TSPEAR: variants seen among roughly 807,000 people sequenced by gnomAD.
TSPEAR encodes the protein thrombospondin-type laminin G domain and EAR repeat-containing protein.
Under a neutral mutation model 71.6 loss-of-function variants are expected in TSPEAR, and 69 were observed. The observed-to-expected ratio is 0.96, with a 90% CI of 0.79 to 1.18. The LOEUF (loss-of-function observed/expected upper bound fraction) is 1.18. Among genes scored for constraint, TSPEAR ranks in the 50% most tolerant of loss-of-function variants. The pLI is 0.00. For synonymous variants in TSPEAR, 402 were observed against 387.2 expected (o/e 1.04, Z -0.45); for missense variants, 971 against 894.9 (o/e 1.09, Z -1.09).
At chr21:44,574,748 T>C (rs1555923560) in intron 1 of TSPEAR, 1 of 1,612,878 alleles carries the variant, frequency 6.2e-7, no homozygotes, top group South Asian at 1.1e-5. Context: ...GCTGTGTGCC[T>C]GTTTGCTCTG....
chr21:44,503,327 G>C, intron 11 of TSPEAR, among the ~76,000 whole-genome samples: 1 of 146,740 alleles, frequency 6.8e-6, no homozygotes, highest in South Asian at 2.2e-4. Context: ...GGCCGGCCTT[G>C]GTGAGCCCTC....
At chr21:44,505,895 G>C (rs1555911862) in intron 10 of TSPEAR, among the ~76,000 whole-genome samples, 3 of 152,136 alleles carry the variant, frequency 2.0e-5, no homozygotes, top group African/African-American at 7.2e-5. Flanking sequence ...ACTTTTAAGA[G>C]GTTGAAACAA....
chr21:44,616,271 C>T (rs73907067), intron 1 of TSPEAR, among the ~76,000 whole-genome samples: 3,927 of 152,258 alleles, frequency 0.026, 159 homozygotes, highest in African/African-American at 0.086. Flanking sequence ...GGGAGGTGGA[C>T]GCTCTCACGG....
intron 1 of TSPEAR, among the ~76,000 whole-genome samples, chr21:44,683,439 G>A (rs555013529): frequency 6.6e-6 from 1 of 152,274 alleles, no homozygotes; most frequent in Non-Finnish European, 1.5e-5. Context: ...ACCAAGATGG[G>A]AAGATTGCTT....
At position 44,499,630 on chromosome 21, in the gene TSPEAR, C is replaced by A; in HGVS notation, c.*153G>T. 1.4e-6 allele frequency: 1 copy of A among 733,392 alleles called. No homozygotes were observed. Among genetic ancestry groups the A allele is most frequent in the Non-Finnish European group, 2.1e-6 (1 of 476,742 alleles). The allele number at this position is 733,392 out of a possible 1,614,324, so 45.4% of individuals were successfully genotyped here. A position where few individuals can be genotyped will look rare whatever the true frequency, so the allele number is the denominator to read the frequency against. ...AGGTGGATGGATGTCCCTGCCCGAA[C>A]CAGGGCCGCAGATGGCCCCACCTGC... On this transcript the variant is annotated 3_prime_UTR_variant, in exon 12 of 12. Coordinates refer to ENST00000323084, the MANE Select transcript of TSPEAR (RefSeq NM_144991.3).
chr21:44,642,183 G>GAAAAA lies in TSPEAR; in HGVS notation c.82+69249_82+69250insTTTTT. Among the ~76,000 whole-genome samples, 1 of 152,210 alleles carries GAAAAA rather than the reference G, an allele frequency of 6.6e-6. No homozygotes were observed. Among genetic ancestry groups the GAAAAA allele is most frequent in the East Asian group, 1.9e-4 (1 of 5,186 alleles). On this transcript the variant is annotated intron_variant, in intron 1 of 11. Coordinates refer to ENST00000323084, the MANE Select transcript of TSPEAR (RefSeq NM_144991.3). The surrounding 1 kb of genome is among the most constrained non-coding windows in gnomAD (Gnocchi z 4.1). ...CTAAAAAATATAAATTACCTACCCT[G>GAAAAA]AGTAACAAGACAAAAATTTTAATAC...
intron 2 of TSPEAR, among the ~76,000 whole-genome samples, chr21:44,562,657 A>C (rs191109840): frequency 9.7e-4 from 148 of 152,328 alleles, no homozygotes; most frequent in African/African-American, 3.5e-3. Flanking sequence ...AACCATAAGA[A>C]GAGCAACAGT....
rs781808701 is a variant in TSPEAR, at chr21:44,647,140, A to T, written c.82+64293T>A. The T allele has an allele frequency of 2.5e-6, 4 of 1,612,562 alleles. No individual in the cohort carries two copies. In the South Asian group the frequency reaches 4.4e-5, roughly 18 times the overall value. On this transcript the variant is annotated intron_variant, in intron 1 of 11. Coordinates refer to ENST00000323084, the MANE Select transcript of TSPEAR (RefSeq NM_144991.3). ...TAGCTGCCAGCCAGCTTGCTGCACC[A>T]CCTCCTGCTGCAGACCCTCCTCCTC... is the stretch of plus-strand genomic sequence containing the variant.
chr21:44,577,998 A>G (rs1978573465), intron 1 of TSPEAR, among the ~76,000 whole-genome samples: 1 of 152,216 alleles, frequency 6.6e-6, no homozygotes, highest in Admixed American at 6.5e-5. Context: ...ATGGTTTTAT[A>G]CAGGGGAGTT....
chr21:44,627,251 G>A (rs782592497), intron 1 of TSPEAR: 21 of 1,612,620 alleles, frequency 1.3e-5, no homozygotes, highest in African/African-American at 1.2e-4. Context: ...GAGAGCTGCT[G>A]TGAGCCCCCC....
chr21:44,658,176 T>TG (rs1985273530), intron 1 of TSPEAR: 1 of 1,614,054 alleles, frequency 6.2e-7, no homozygotes, highest in Non-Finnish European at 8.5e-7. Context: ...ATCATATATG[T>TG]GACTCCCTCT....
intron 1 of TSPEAR, among the ~76,000 whole-genome samples, chr21:44,646,069 G>A (rs1035854251): frequency 6.1e-5 from 8 of 130,832 alleles, no homozygotes; most frequent in Non-Finnish European, 1.1e-4. Flanking sequence ...AGGTTGCAGT[G>A]AGCTGAGATC....
intron 1 of TSPEAR, chr21:44,580,217 C>G (rs1442608287): frequency 1.2e-6 from 2 of 1,613,954 alleles, no homozygotes; most frequent in African/African-American, 1.3e-5. Flanking sequence ...GGAAGAGGCA[C>G]AGCAAGTTGG....
At chr21:44,515,376 C>T (rs1555913252) in intron 9 of TSPEAR, 1 of 152,366 alleles carries the variant, frequency 6.6e-6, no homozygotes, top group Non-Finnish European at 1.5e-5. Flanking sequence ...CATGATGGCG[C>T]CCCCAGCAGC....
chr21:44,675,746 A>G, intron 1 of TSPEAR: 1 of 467,952 alleles, frequency 2.1e-6, no homozygotes, highest in Non-Finnish European at 3.9e-6. Flanking sequence ...GTTAACATTT[A>G]GAACAGTACT....
intron 1 of TSPEAR, among the ~76,000 whole-genome samples, chr21:44,632,761 T>C (rs1205460310): frequency 2.0e-5 from 3 of 152,168 alleles, no homozygotes; most frequent in Admixed American, 2.0e-4. Flanking sequence ...GGAGAATCAC[T>C]TGAACCTGGG....
chr21:44,683,998 A>G (rs1351094281), intron 1 of TSPEAR, among the ~76,000 whole-genome samples: 1 of 152,250 alleles, frequency 6.6e-6, no homozygotes, highest in Non-Finnish European at 1.5e-5. Context: ...GAATCTCAGA[A>G]AGCCCCCAGT....
chr21:44,663,589 C>A (rs587734316), intron 1 of TSPEAR, among the ~76,000 whole-genome samples: 1 of 151,884 alleles, frequency 6.6e-6, no homozygotes, highest in Non-Finnish European at 1.5e-5. Context: ...GGAATCATTC[C>A]CGATTAAATT....
intron 2 of TSPEAR, among the ~76,000 whole-genome samples, chr21:44,538,040 G>T (rs2053120367): frequency 6.6e-6 from 1 of 152,156 alleles, no homozygotes; most frequent in African/African-American, 2.4e-5. Flanking sequence ...ACTTTCTGTG[G>T]CATTTCTGTG....
Sources: allele counts gnomAD v4.1 joint callset (sites outside exome capture counted in the v4.1 genomes callset), GRCh38; gene constraint gnomAD v4.1.1; non-coding constraint Gnocchi (gnomAD v3.1); transcripts MANE v1.5; gene names NCBI Gene and HGNC (gene_info 2026-07-23, HGNC 2026-07-21).